Variants in CPVL observed in about 807,000 individuals in gnomAD.
CPVL encodes carboxypeptidase vitellogenic like, also known as probable serine carboxypeptidase CPVL.
CPVL carries 51 observed loss-of-function variants against 63.7 expected under a neutral mutation model. That is an observed-to-expected ratio of 0.80 (90% confidence interval 0.64 to 1.01). The LOEUF is 1.01. CPVL is among the 50% of genes least tolerant of loss of function. The pLI is 0.00. For missense variants in CPVL, 530 were observed against 573.1 expected, an observed-to-expected ratio of 0.92 and a Z score of 0.77; for synonymous variants, 195 against 206.0, an observed-to-expected ratio of 0.95 and a Z score of 0.46.
intron 12 of CPVL, 26 bp from the exon 13 acceptor site, chr7:28,995,908 GA>G: frequency 8.1e-7 from 1 of 1,232,810 alleles, no homozygotes; most frequent in African/African-American, 1.5e-5. Flanking sequence ...TAAAAGAACG[GA>G]AATTTAGAGA....
At chr7:29,057,632 T>G (rs1231011002) in intron 11 of CPVL, among the ~76,000 whole-genome samples, 1 of 152,208 alleles carries the variant, frequency 6.6e-6, no homozygotes, top group Non-Finnish European at 1.5e-5. Flanking sequence ...TAGTTTTATG[T>G]TTTACCTTTA....
intron 12 of CPVL, among the ~76,000 whole-genome samples, chr7:29,021,900 G>A (rs1051241013): frequency 6.6e-6 from 1 of 152,066 alleles, no homozygotes; most frequent in African/African-American, 2.4e-5. Context: ...AAGGTTTACA[G>A]CATCACGATA....
At chr7:29,079,139 G>C (rs1784472194) in intron 7 of CPVL, among the ~76,000 whole-genome samples, 1 of 152,180 alleles carries the variant, frequency 6.6e-6, no homozygotes, top group Non-Finnish European at 1.5e-5. Context: ...GAAAGACAGA[G>C]ACATTCAAGA....
At chr7:29,005,290 A>T (rs957742317) in intron 12 of CPVL, among the ~76,000 whole-genome samples, 1 of 152,176 alleles carries the variant, frequency 6.6e-6, no homozygotes, top group Non-Finnish European at 1.5e-5. Flanking sequence ...CAGAGTTTTT[A>T]TGACAAACAG....
At chr7:29,175,238 G>A (rs578079731) in intron 5 of CPVL, among the ~76,000 whole-genome samples, 25 of 151,218 alleles carry the variant, frequency 1.7e-4, no homozygotes, top group African/African-American at 4.9e-4. Flanking sequence ...GTAGTGGCAC[G>A]ATCTCTGCTC....
At chr7:29,046,778 T>G (rs1413331611) in intron 11 of CPVL, among the ~76,000 whole-genome samples, 1 of 152,112 alleles carries the variant, frequency 6.6e-6, no homozygotes, top group Non-Finnish European at 1.5e-5. Context: ...GAGCAGAGAT[T>G]TCAAAGCCAA....
At chr7:29,076,045 C>T (rs2128582442) in intron 7 of CPVL, among the ~76,000 whole-genome samples, 1 of 135,446 alleles carries the variant, frequency 7.4e-6, no homozygotes, top group African/African-American at 2.8e-5. Context: ...CCATTAAGTA[C>T]TTCAAAAGAC....
intron 11 of CPVL, among the ~76,000 whole-genome samples, chr7:29,037,552 CAAAAAAA>C (rs35631871): frequency 1.6e-4 from 9 of 56,374 alleles, no homozygotes; most frequent in African/African-American, 7.4e-4. Context: ...GACTCCATCT[CAAAAAAA>C]AAAAAAAAAA....
chr7:29,103,131 CCTT>C (rs1787334890), intron 3 of CPVL, among the ~76,000 whole-genome samples: 2 of 125,098 alleles, frequency 1.6e-5, no homozygotes, highest in Non-Finnish European at 3.1e-5. Flanking sequence ...ATAGAGATAA[CCTT>C]CTGCTCAGAC....
chr7:29,064,197 G>C lies in CPVL; in HGVS notation c.1001C>G (p.Ser334Ter). ...EDQLYYVKFL[S>*]LPEVRQAIHV... ...GATGGCTTGTCTCACCTCTGGGAGTGACAAAAATTTCACATAGTAAAGCTG... is the reference window on the plus strand; with the variant it reads ...GATGGCTTGTCTCACCTCTGGGAGTCACAAAAATTTCACATAGTAAAGCTG... The change falls in exon 11 of 13, where the codon TCA becomes TGA. Residue 334 changes from serine (S) to a stop codon, truncating the protein, a stop_gained. Coordinates refer to ENST00000265394, the MANE Select transcript of CPVL (RefSeq NM_031311.5). LOFTEE classifies it high-confidence loss of function. 6.2e-7 allele frequency: 1 copy of C among 1,613,202 alleles called. No individual in the cohort carries two copies. Among genetic ancestry groups the C allele is most frequent in the Non-Finnish European group, 8.5e-7 (1 of 1,179,374 alleles).
At chr7:29,167,941 G>A (rs13237997) in intron 5 of CPVL, among the ~76,000 whole-genome samples, 23,533 of 152,112 alleles carry the variant, frequency 0.15, 2,047 homozygotes, top group African/African-American at 0.22. Context: ...CTACAACATC[G>A]GAGGTAACTG....
intron 5 of CPVL, among the ~76,000 whole-genome samples, chr7:29,162,069 C>G (rs981801142): frequency 1.3e-5 from 2 of 152,206 alleles, no homozygotes; most frequent in African/African-American, 4.8e-5. Flanking sequence ...TCAGACATCG[C>G]TGGTGGCAAT....
chr7:29,090,086 C>T (rs897749204), intron 6 of CPVL, among the ~76,000 whole-genome samples: 3 of 152,186 alleles, frequency 2.0e-5, no homozygotes, highest in Non-Finnish European at 4.4e-5. Context: ...TGGTCTGGAA[C>T]TCCTGACCTC....
chr7:29,036,372 C>T (rs1008392083), intron 11 of CPVL, among the ~76,000 whole-genome samples: 3 of 152,194 alleles, frequency 2.0e-5, no homozygotes, highest in African/African-American at 7.2e-5. Context: ...TCCTCCTTCT[C>T]AAGCAAGTTG....
At chr7:29,187,547 A>T (rs900395601) in intron 1 of CPVL, among the ~76,000 whole-genome samples, 2 of 152,094 alleles carry the variant, frequency 1.3e-5, no homozygotes, top group Admixed American at 6.5e-5. Flanking sequence ...AACATGGAGA[A>T]ACCCCGTCTC....
chr7:29,174,736 T>C (rs1409430996), intron 5 of CPVL, among the ~76,000 whole-genome samples: 1 of 151,904 alleles, frequency 6.6e-6, no homozygotes, highest in Non-Finnish European at 1.5e-5. Context: ...GGCACACACC[T>C]GTAATCCCAG....
At chr7:29,097,104 A>G (rs982516433) in intron 3 of CPVL, among the ~76,000 whole-genome samples, 2 of 152,168 alleles carry the variant, frequency 1.3e-5, no homozygotes, top group African/African-American at 4.8e-5. Flanking sequence ...AACGCAAATA[A>G]CAACGACAAA....
At chr7:29,034,853 G>A (rs1157040660) in intron 11 of CPVL, among the ~76,000 whole-genome samples, 67 of 123,930 alleles carry the variant, frequency 5.4e-4, no homozygotes, top group Admixed American at 6.6e-4. Context: ...TTTTATAATG[G>A]AAAAAAAAAA....
chr7:29,189,721 T>C (rs892910153), intron 1 of CPVL, among the ~76,000 whole-genome samples: 1 of 152,046 alleles, frequency 6.6e-6, no homozygotes, highest in Admixed American at 6.6e-5. Flanking sequence ...TCTCTGTCTT[T>C]CCAGTCAAAG....
Sources: allele counts gnomAD v4.1 joint callset (sites outside exome capture counted in the v4.1 genomes callset), GRCh38; gene constraint gnomAD v4.1.1; transcripts MANE v1.5; gene names NCBI Gene and HGNC (gene_info 2026-07-23, HGNC 2026-07-21).